DYSF: variants seen among roughly 807,000 people sequenced by gnomAD.
DYSF encodes the protein dysferlin, also known as dystrophy-associated fer-1-like 1.
A neutral mutation model predicts 274.9 loss-of-function variants in DYSF; 212 were observed. That is an observed-to-expected ratio of 0.77 (90% CI 0.69 to 0.86). DYSF has a LOEUF of 0.86. Among genes scored for constraint, DYSF ranks in the 40% least tolerant of loss-of-function variants. DYSF has a pLI of 0.00. For synonymous variants in DYSF, 1,091 were observed against 1,078.7 expected, an observed-to-expected ratio of 1.01 and a Z score of -0.22; for missense variants, 2,666 against 2,783.2, an observed-to-expected ratio of 0.96 and a Z score of 0.95.
chr2:71,470,918 A>G (rs1420399460), intron 1 of DYSF, among the ~76,000 whole-genome samples: 1 of 151,062 alleles, frequency 6.6e-6, no homozygotes, highest in African/African-American at 2.4e-5. Context: ...CAGCCTCCCG[A>G]GTAGCTGGGA....
chr2:71,551,596 C>T lies in DYSF; in HGVS notation c.1693-11C>T. 3.8e-6 allele frequency: 6 copies of T among 1,597,702 alleles called. No individual in the cohort carries two copies. Among genetic ancestry groups the T allele is most frequent in the Non-Finnish European group, 4.3e-6 (5 of 1,173,900 alleles). On this transcript the variant is annotated splice_polypyrimidine_tract_variant and intron_variant, in intron 18 of 55. Transcript: ENST00000410020. ...TCTCCCCTGCTCCTTGTGACCTGACCTCCCTGGCAGGGGGAAGGTGTGGCT... is the reference window on the plus strand; with the variant it reads ...TCTCCCCTGCTCCTTGTGACCTGACTTCCCTGGCAGGGGGAAGGTGTGGCT...
intron 17 of DYSF, among the ~76,000 whole-genome samples, chr2:71,542,782 G>T (rs1035756274): frequency 1.3e-5 from 2 of 152,138 alleles, no homozygotes; most frequent in South Asian, 4.1e-4. Flanking sequence ...TCTCCACACA[G>T]ACACAGCAAC....
At chr2:71,583,839 C>T (rs1558536997) in intron 30 of DYSF, among the ~76,000 whole-genome samples, 1 of 152,190 alleles carries the variant, frequency 6.6e-6, no homozygotes, top group East Asian at 1.9e-4. Context: ...GGATATTAGT[C>T]CTTGGCAGAC....
chr2:71,512,153 G>A (rs1455155785), intron 5 of DYSF, among the ~76,000 whole-genome samples: 9 of 152,260 alleles, frequency 5.9e-5, no homozygotes, highest in Admixed American at 5.9e-4. Context: ...GGTGCAGGGA[G>A]TAATGTGAGG....
At chr2:71,669,275 C>T in intron 50 of DYSF, 68 bp downstream of exon 50, 7 of 1,322,878 alleles carry the variant, frequency 5.3e-6, no homozygotes, top group Non-Finnish European at 7.5e-6. Context: ...GGGTTGTGCA[C>T]AGCACGGGGG....
intron 50 of DYSF, 122 bp from the exon 51 acceptor site, chr2:71,669,483 T>G: frequency 7.8e-7 from 1 of 1,282,234 alleles, no homozygotes; most frequent in Non-Finnish European, 1.1e-6. Context: ...GCCGATTTCC[T>G]GGGAATTCTT....
At chr2:71,593,727 T>C (rs1282599809) in intron 32 of DYSF, among the ~76,000 whole-genome samples, 2 of 152,124 alleles carry the variant, frequency 1.3e-5, no homozygotes, top group African/African-American at 4.8e-5. Context: ...ACTGCTGTTG[T>C]GGTTGGAGGG....
intron 52 of DYSF, among the ~76,000 whole-genome samples, chr2:71,676,642 A>C (rs2095227150): frequency 2.0e-5 from 3 of 152,002 alleles, no homozygotes; most frequent in South Asian, 2.1e-4. Flanking sequence ...CAAAAAAAAA[A>C]CCCTGTGTTT....
chr2:71,519,109 A>G, intron 10 of DYSF, among the ~76,000 whole-genome samples: 1 of 150,698 alleles, frequency 6.6e-6, no homozygotes, highest in African/African-American at 2.4e-5. Context: ...AAAAAAAAAA[A>G]AAAAAAAAAA....
intron 1 of DYSF, among the ~76,000 whole-genome samples, chr2:71,475,263 G>C (rs912511164): frequency 6.6e-6 from 1 of 152,150 alleles, no homozygotes; most frequent in African/African-American, 2.4e-5. Context: ...TGGAAACAGC[G>C]CTTCTATCCT....
intron 16 of DYSF, among the ~76,000 whole-genome samples, chr2:71,537,223 GTTTTTT>G (rs71402990): frequency 1.6e-4 from 13 of 79,626 alleles, no homozygotes; most frequent in Admixed American, 1.1e-3. Context: ...TTCTAGTTTT[GTTTTTT>G]TTTTTTTTTT....
intron 30 of DYSF, 108 bp downstream of exon 30, chr2:71,574,479 G>T: frequency 7.3e-7 from 1 of 1,375,292 alleles, no homozygotes. Flanking sequence ...AGGACTTTTG[G>T]ATGGAACGCT....
intron 3 of DYSF, among the ~76,000 whole-genome samples, chr2:71,487,903 T>C (rs903870820): frequency 6.6e-6 from 1 of 152,224 alleles, no homozygotes; most frequent in Non-Finnish European, 1.5e-5. Flanking sequence ...TGTTTATGTA[T>C]GTGATTATTG....
chr2:71,538,130 G>C (rs1456944757), intron 16 of DYSF, among the ~76,000 whole-genome samples: 1 of 152,188 alleles, frequency 6.6e-6, no homozygotes, highest in African/African-American at 2.4e-5. Context: ...CTCAACCTTG[G>C]CTTTCTCATC....
chr2:71,682,468 G>A, intron 54 of DYSF, 62 bp from the exon 55 acceptor site: 10 of 1,611,248 alleles, frequency 6.2e-6, no homozygotes, highest in Non-Finnish European at 8.5e-6. Flanking sequence ...GTTGAGAGAA[G>A]AGTTTGGAGA....
rs548533425 is a variant in DYSF at position 71,567,413 on chromosome 2, T to C, written c.2566-538T>C. Among the ~76,000 whole-genome samples the C allele has an allele frequency of 6.6e-5, 10 of 152,344 alleles. No homozygotes were observed. The South Asian group carries it at 2.1e-3, about 32-fold the overall frequency. ...TTAGAGACAAGTTTTAGAACTGTGC[T>C]GTCCAATATGGTAGCCACAGATGGC... On this transcript the variant is annotated intron_variant, in intron 24 of 55. Coordinates refer to ENST00000410020, the MANE Select transcript of DYSF (RefSeq NM_001130987.2).
intron 13 of DYSF, among the ~76,000 whole-genome samples, chr2:71,527,328 G>A (rs908159541): frequency 1.3e-5 from 2 of 152,140 alleles, no homozygotes; most frequent in South Asian, 4.1e-4. Flanking sequence ...TTCCATAAAG[G>A]TAACTATTTG....
intron 41 of DYSF, among the ~76,000 whole-genome samples, chr2:71,622,130 GTTTTT>G (rs74263952): frequency 3.1e-5 from 3 of 97,030 alleles, no homozygotes; most frequent in East Asian, 3.1e-4. Context: ...TGATTTCTTT[GTTTTT>G]TTTTTTTTTT....
intron 41 of DYSF, among the ~76,000 whole-genome samples, chr2:71,626,561 T>C (rs1163260534): frequency 6.6e-6 from 1 of 151,838 alleles, no homozygotes; most frequent in African/African-American, 2.4e-5. Flanking sequence ...CAACTTTGCA[T>C]TTCTGAAACA....
Sources: gnomAD v4.1 joint callset for allele counts (sites outside exome capture counted in the v4.1 genomes callset) on GRCh38, gnomAD v4.1.1 for gene constraint, MANE v1.5 for transcripts, NCBI Gene and HGNC (gene_info 2026-07-23, HGNC 2026-07-21) for gene names.